Variants in ATP6V1A observed in about 807,000 individuals in gnomAD.
ATP6V1A encodes the protein ATPase H+ transporting V1 subunit A.
A neutral mutation model predicts 70.1 loss-of-function variants in ATP6V1A; 18 were observed. The observed-to-expected ratio is 0.26, with a 90% CI of 0.18 to 0.38. The LOEUF is 0.38. Ranked by LOEUF, ATP6V1A falls within the 10% of genes least tolerant of loss-of-function variation. ATP6V1A has a pLI of 1.00. For missense variants in ATP6V1A, 424 were observed against 772.4 expected, an observed-to-expected ratio of 0.55 and a Z score of 5.35; for synonymous variants, 232 against 253.8, an observed-to-expected ratio of 0.91 and a Z score of 0.82.
At position 113,809,476 on chromosome 3, in the gene ATP6V1A, A is replaced by G. The variant is rs183834978; in HGVS notation, c.*49A>G. 1.3e-6 allele frequency: 2 copies of G among 1,527,924 alleles called. No individual in the cohort carries two copies. Among genetic ancestry groups the G allele is most frequent in the Non-Finnish European group, 9.0e-7 (1 of 1,110,936 alleles). The allele number at this position is 1,527,924 out of a possible 1,614,324, so 94.6% of individuals were successfully genotyped here. ...ATTTCCTTTTCCTCAGCAAGCTCCT[A>G]TGTGTATATTTTCCTGAATTTCTCA... On this transcript the variant is annotated 3_prime_UTR_variant, in exon 15 of 15. Coordinates refer to ENST00000273398, the MANE Select transcript of ATP6V1A (RefSeq NM_001690.4).
intron 9 of ATP6V1A, 33 bp downstream of exon 9, chr3:113,795,027 G>A: frequency 1.2e-6 from 2 of 1,613,286 alleles, no homozygotes; most frequent in East Asian, 4.5e-5. Flanking sequence ...ATGTAAACAA[G>A]ACTGATGGGA....
chr3:113,791,018 A>G (rs1709086435), intron 8 of ATP6V1A, among the ~76,000 whole-genome samples: 1 of 152,146 alleles, frequency 6.6e-6, no homozygotes, highest in Non-Finnish European at 1.5e-5. Flanking sequence ...TTATTAAGAT[A>G]TATTCCAATA....
intron 1 of ATP6V1A, among the ~76,000 whole-genome samples, chr3:113,767,498 G>A (rs1009007567): frequency 6.6e-6 from 1 of 152,162 alleles, no homozygotes; most frequent in Non-Finnish European, 1.5e-5. Context: ...CACTTTGAGG[G>A]CAGGGATACT....
At chr3:113,795,371 C>T (rs1464786986) in intron 10 of ATP6V1A, among the ~76,000 whole-genome samples, 167 bp downstream of exon 10, 1 of 152,048 alleles carries the variant, frequency 6.6e-6, no homozygotes, top group East Asian at 1.9e-4. Flanking sequence ...TTTGAAGATG[C>T]ACATGTTTAG....
At chr3:113,769,638 CA>C (rs1708811108) in intron 1 of ATP6V1A, among the ~76,000 whole-genome samples, 1 of 152,078 alleles carries the variant, frequency 6.6e-6, no homozygotes, top group African/African-American at 2.4e-5. Flanking sequence ...TTGCATTAAC[CA>C]GCAGCAATTT....
intron 1 of ATP6V1A, among the ~76,000 whole-genome samples, chr3:113,756,650 CAG>C (rs1708649670): frequency 6.6e-6 from 1 of 152,168 alleles, no homozygotes; most frequent in African/African-American, 2.4e-5. Context: ...TTTCAAATAA[CAG>C]TAAGTATTTT....
chr3:113,782,313 C>A (rs1053635521), intron 3 of ATP6V1A, among the ~76,000 whole-genome samples: 1 of 151,696 alleles, frequency 6.6e-6, no homozygotes, highest in East Asian at 1.9e-4. Context: ...TCTGTTTAAT[C>A]TTTTTCATGG....
intron 1 of ATP6V1A, among the ~76,000 whole-genome samples, chr3:113,749,382 T>C (rs780760732): frequency 2.6e-5 from 4 of 152,082 alleles, no homozygotes; most frequent in Non-Finnish European, 4.4e-5. Flanking sequence ...TCTTAACATT[T>C]ATTAGGGAAT....
chr3:113,747,888 G>T (rs1708541414), intron 1 of ATP6V1A, among the ~76,000 whole-genome samples: 1 of 152,090 alleles, frequency 6.6e-6, no homozygotes, highest in South Asian at 2.1e-4. Flanking sequence ...GAGTGAGTAG[G>T]GTTCCCTGAA....
intron 14 of ATP6V1A, among the ~76,000 whole-genome samples, 177 bp from the exon 15 acceptor site, chr3:113,809,158 G>A (rs1161432775): frequency 6.6e-6 from 1 of 152,064 alleles, no homozygotes; most frequent in Admixed American, 6.5e-5. Context: ...GGGAGGCTGA[G>A]GCAGGAGAAT....
intron 7 of ATP6V1A, among the ~76,000 whole-genome samples, chr3:113,789,150 C>T (rs956660483): frequency 3.3e-5 from 5 of 152,238 alleles, no homozygotes; most frequent in East Asian, 1.9e-4. Flanking sequence ...CAGGTTCAAG[C>T]GATTCTCCTT....
chr3:113,755,523 C>G (rs1466808369), intron 1 of ATP6V1A, among the ~76,000 whole-genome samples: 1 of 151,946 alleles, frequency 6.6e-6, no homozygotes, highest in Non-Finnish European at 1.5e-5. Flanking sequence ...ATTGCTTGAG[C>G]CTGGGAGGCA....
intron 1 of ATP6V1A, among the ~76,000 whole-genome samples, chr3:113,766,894 AT>A (rs1158139912): frequency 6.6e-6 from 1 of 152,074 alleles, no homozygotes; most frequent in Non-Finnish European, 1.5e-5. Flanking sequence ...GTTTTGAATT[AT>A]TTATTACATA....
Position 113,771,429 on chromosome 3 carries a change from CTT to C in ATP6V1A, c.-13-7287_-13-7286del, listed in dbSNP as rs772278685. 5.9e-3 allele frequency among the ~76,000 whole-genome samples: 663 copies of C among 112,454 alleles called. 2 individuals are homozygous for C. Among genetic ancestry groups the C allele is most frequent in the Admixed American group, 0.021 (208 of 10,086 alleles). The allele number at this position is 112,454 out of a possible 152,430, so 73.8% of individuals were successfully genotyped here. A position where few individuals can be genotyped will look rare whatever the true frequency, so the allele number is the denominator to read the frequency against. ...GGAAAAAACACTTGCATATTTTTCT[CTT>C]TTTTTTTTTTTTTTTTTTTTTTTTG... On this transcript the variant is annotated intron_variant, in intron 1 of 14. Transcript: ENST00000273398.
intron 7 of ATP6V1A, among the ~76,000 whole-genome samples, chr3:113,789,469 G>A (rs2108033890): frequency 6.6e-6 from 1 of 152,114 alleles, no homozygotes; most frequent in African/African-American, 2.4e-5. Flanking sequence ...CTTTATGTGT[G>A]ATTTATGATC....
intron 1 of ATP6V1A, among the ~76,000 whole-genome samples, chr3:113,766,900 T>C (rs1708777906): frequency 6.6e-6 from 1 of 152,178 alleles, no homozygotes; most frequent in Admixed American, 6.5e-5. Context: ...AATTATTTAT[T>C]ACATACCTAG....
intron 1 of ATP6V1A, among the ~76,000 whole-genome samples, chr3:113,761,069 GA>G (rs1041747319): frequency 5.3e-5 from 7 of 132,150 alleles, no homozygotes; most frequent in East Asian, 4.4e-4. Context: ...CTGTCTCAAA[GA>G]AAAAAAAAAT....
At chr3:113,781,511 C>CCT (rs953231311) in intron 3 of ATP6V1A, among the ~76,000 whole-genome samples, 1 of 151,904 alleles carries the variant, frequency 6.6e-6, no homozygotes. Context: ...GAGTGAGACT[C>CCT]CATCTCAGAA....
At chr3:113,747,951 C>G (rs1708542103) in intron 1 of ATP6V1A, among the ~76,000 whole-genome samples, 1 of 152,126 alleles carries the variant, frequency 6.6e-6, no homozygotes, top group African/African-American at 2.4e-5. Context: ...ATTGATTTGG[C>G]CATATGCTTA....
Sources: gnomAD v4.1 joint callset for allele counts (sites outside exome capture counted in the v4.1 genomes callset) on GRCh38, gnomAD v4.1.1 for gene constraint, MANE v1.5 for transcripts, NCBI Gene and HGNC (gene_info 2026-07-23, HGNC 2026-07-21) for gene names.